The following PDE4DIP variants were observed in gnomAD, a reference collection of about 807,000 sequenced individuals.
PDE4DIP encodes the protein phosphodiesterase 4D interacting protein.
PDE4DIP carries 59 observed loss-of-function variants against 221.4 expected under a neutral mutation model. The ratio of observed to expected loss-of-function variants is 0.27; its 90% CI spans 0.22 to 0.33. PDE4DIP has a LOEUF of 0.33. PDE4DIP is among the 10% of genes least tolerant of loss of function. The probability of loss-of-function intolerance (pLI) is 1.00; values close to 1 mark genes in which losing one functional copy is unlikely to be tolerated. For synonymous variants in PDE4DIP, 404 were observed against 815.9 expected (o/e 0.50, Z 8.60); for missense variants, 1,036 against 2,154.2 (o/e 0.48, Z 10.28).
chr1:148,929,804 T>C (rs1442370298), intron 2 of PDE4DIP: 4 of 153,134 alleles, frequency 2.6e-5, no homozygotes, highest in African/African-American at 9.6e-5. Context: ...AAAGGATAAA[T>C]GTATAAGGAT....
rs1472415100 is a variant in PDE4DIP at position 148,890,748 on chromosome 1, C to T, written c.141+854C>T. Among the ~76,000 whole-genome samples the T allele has an allele frequency of 2.3e-5, 2 of 86,588 alleles. 1 individual carries two copies. The highest frequency in any genetic ancestry group is 1.2e-4 in the African/African-American group (2 of 16,704). 56.8% of individuals were successfully genotyped at this position (86,588 alleles called of 152,430 possible). ...CCAGCCTAGGTGACAGAGCAAGAGT[C>T]TGTCTCAAAAAAAAAAAAAAAAAAA... On this transcript the variant is annotated intron_variant, in intron 1 of 43. Transcript: ENST00000369354.
intron 20 of PDE4DIP, among the ~76,000 whole-genome samples, chr1:148,980,378 C>A (rs781930914): frequency 1.6e-4 from 24 of 151,946 alleles, no homozygotes; most frequent in Non-Finnish European, 2.6e-4. Flanking sequence ...GGCAACAGAG[C>A]GAGACTCCGT....
At chr1:148,981,914 G>A (rs1319381445) in intron 21 of PDE4DIP, 6 of 163,792 alleles carry the variant, frequency 3.7e-5, no homozygotes, top group African/African-American at 4.8e-5. Context: ...ATGAGAGAGC[G>A]GGAAAGAGAT....
At position 149,021,160 on chromosome 1, in the gene PDE4DIP, GTTC is replaced by G. The variant is rs782572794; in HGVS notation, c.6085+12_6085+14del. ...TCCAAGAAGGGGCTGAAAGGTATGT[GTTC>G]TTCTCCCCTCACCCCATGAGCTTTT... is the stretch of plus-strand genomic sequence containing the variant. On this transcript the variant is annotated splice_region_variant and intron_variant, in intron 37 of 43. Coordinates refer to ENST00000369354, the Ensembl canonical transcript of PDE4DIP. The G allele has an allele frequency of 2.0e-5, 17 of 849,298 alleles. No individual in the cohort carries two copies. Among genetic ancestry groups the G allele is most frequent in the Admixed American group, 4.1e-5 (2 of 48,316 alleles). 52.6% of individuals were successfully genotyped at this position (849,298 alleles called of 1,614,324 possible).
intron 1 of PDE4DIP, among the ~76,000 whole-genome samples, chr1:148,819,920 T>A (rs1668594934): frequency 3.9e-5 from 2 of 51,630 alleles, no homozygotes; most frequent in Non-Finnish European, 7.7e-5. Flanking sequence ...TTATATCTTT[T>A]TTTTTTTTTT....
Position 148,979,463 on chromosome 1 carries a change from C to A in PDE4DIP, c.2575-274C>A, listed in dbSNP as rs149077877. On this transcript the variant is annotated intron_variant, in intron 19 of 43. Coordinates refer to ENST00000369354, the Ensembl canonical transcript of PDE4DIP. ...TTTCCCTCTTGTCCATCCTGTTTCC[C>A]TCTTACTCCTTTTTCTTAGCTGCTT... Among the ~76,000 whole-genome samples, 355 of 152,252 alleles carry A rather than the reference C, an allele frequency of 2.3e-3. 2 individuals are homozygous for A. The highest frequency in any genetic ancestry group is 8.2e-3 in the African/African-American group (339 of 41,534).
chr1:148,985,125 G>A (rs2061693266), intron 21 of PDE4DIP: 1 of 152,052 alleles, frequency 6.6e-6, no homozygotes, highest in Admixed American at 6.6e-5. Context: ...TCTTTTCCAG[G>A]TATATCCTGT....
At chr1:148,924,968 CT>C (rs1217949637) in intron 1 of PDE4DIP, among the ~76,000 whole-genome samples, 5 of 151,696 alleles carry the variant, frequency 3.3e-5, no homozygotes, top group African/African-American at 1.2e-4. Flanking sequence ...TTGCTTTTAC[CT>C]TGAAAACCCT....
At chr1:148,883,529 T>TG (rs1389907741) in intron 3 of PDE4DIP, among the ~76,000 whole-genome samples, 1 of 60,486 alleles carries the variant, frequency 1.7e-5, no homozygotes, top group Admixed American at 1.9e-4. Context: ...ATGAGCTAGC[T>TG]GGGGGGTCTG....
chr1:149,011,020 G>A (rs1261059460), intron 31 of PDE4DIP, among the ~76,000 whole-genome samples: 1 of 149,952 alleles, frequency 6.7e-6, no homozygotes, highest in South Asian at 2.2e-4. Context: ...TTGTAGCCAA[G>A]GATGGTGAGA....
At chr1:149,023,991 G>T (rs1472945067) in intron 37 of PDE4DIP, among the ~76,000 whole-genome samples, 3 of 151,056 alleles carry the variant, frequency 2.0e-5, no homozygotes, top group Admixed American at 6.6e-5. Context: ...ATAATCCCTC[G>T]TCTAAGGTGC....
At chr1:148,952,041 G>C (rs1290040446) in intron 5 of PDE4DIP, 3 of 1,009,230 alleles carry the variant, frequency 3.0e-6, no homozygotes, top group African/African-American at 3.4e-5. Flanking sequence ...GCCGGAGGAC[G>C]TGGCACTGTC....
chr1:149,014,098 ATTT>A (rs2069586843), intron 32 of PDE4DIP, among the ~76,000 whole-genome samples: 1 of 149,842 alleles, frequency 6.7e-6, no homozygotes, highest in Non-Finnish European at 1.5e-5. Flanking sequence ...TAGCCTATTT[ATTT>A]TGTCAACCCA....
intron 1 of PDE4DIP, among the ~76,000 whole-genome samples, chr1:148,915,988 CT>C (rs1276941940): frequency 6.9e-6 from 1 of 145,678 alleles, no homozygotes; most frequent in African/African-American, 2.6e-5. Flanking sequence ...CTCCAAGATG[CT>C]ATGAGACCAC....
intron 1 of PDE4DIP, among the ~76,000 whole-genome samples, chr1:148,828,725 C>T (rs111264051): frequency 4.0e-5 from 6 of 149,376 alleles, no homozygotes; most frequent in African/African-American, 7.3e-5. Flanking sequence ...CCTCTCCCAA[C>T]GTCAGATACA....
At chr1:149,025,361 T>C (rs1161569464) in intron 38 of PDE4DIP, among the ~76,000 whole-genome samples, 1 of 151,570 alleles carries the variant, frequency 6.6e-6, no homozygotes, top group Non-Finnish European at 1.5e-5. Flanking sequence ...CAGTGTATGG[T>C]AAAATGTTCC....
chr1:148,963,918 G>A (rs868959749), intron 9 of PDE4DIP, among the ~76,000 whole-genome samples: 2 of 149,212 alleles, frequency 1.3e-5, no homozygotes, highest in Admixed American at 6.7e-5. Flanking sequence ...CACCACGCCC[G>A]GCTAATTTTT....
intron 9 of PDE4DIP, among the ~76,000 whole-genome samples, chr1:148,964,490 T>C (rs1278029517): frequency 6.6e-6 from 1 of 151,058 alleles, no homozygotes; most frequent in Non-Finnish European, 1.5e-5. Flanking sequence ...GATTTTTTTG[T>C]GTGTGGTCTC....
chr1:148,844,438 C>G (rs2150142207), intron 1 of PDE4DIP: 2 of 206,848 alleles, frequency 9.7e-6, no homozygotes, highest in East Asian at 2.7e-4. Context: ...AGTCGTGTCT[C>G]AGCCTGGAGA....
Sources: gnomAD v4.1 joint callset for allele counts (sites outside exome capture counted in the v4.1 genomes callset) on GRCh38, gnomAD v4.1.1 for gene constraint, MANE v1.5 for transcripts, NCBI Gene and HGNC (gene_info 2026-07-23, HGNC 2026-07-21) for gene names.